The following SCAMP2 variants were observed in gnomAD, a reference collection of about 807,000 sequenced individuals.
SCAMP2 encodes the protein secretory carrier membrane protein 2, also known as secretory carrier-associated membrane protein 2.
In SCAMP2, 25 loss-of-function variants were observed where a neutral mutation model predicts 44.1. The ratio of observed to expected loss-of-function variants is 0.57; its 90% CI spans 0.41 to 0.79. The LOEUF (loss-of-function observed/expected upper bound fraction) is 0.79. Ranked by LOEUF, SCAMP2 falls within the 30% of genes least tolerant of loss-of-function variation. The probability of loss-of-function intolerance (pLI) is 0.00; values close to 1 mark genes in which losing one functional copy is unlikely to be tolerated. For missense variants in SCAMP2, 355 were observed against 411.0 expected (o/e 0.86, Z 1.18); for synonymous variants, 156 against 166.0 (o/e 0.94, Z 0.46).
rs150204440 is a variant in SCAMP2 at position 74,845,047 on chromosome 15, C to A, written c.*36G>T. On this transcript the variant is annotated 3_prime_UTR_variant, in exon 9 of 9. Coordinates refer to ENST00000268099, the MANE Select transcript of SCAMP2 (RefSeq NM_005697.5). ...CGGAAAGTGCAGCTCAGAAGGCAGG[C>A]GAGAGAAAGGCTGAGGGGGAGAGAA... 6.3e-7 allele frequency: 1 copy of A among 1,598,082 alleles called. No individual in the cohort carries two copies. The highest frequency in any genetic ancestry group is 8.6e-7 in the Non-Finnish European group (1 of 1,169,140).
chr15:74,867,088 C>A (rs372910772), intron 1 of SCAMP2, among the ~76,000 whole-genome samples: 3 of 152,232 alleles, frequency 2.0e-5, no homozygotes, highest in African/African-American at 7.2e-5. Flanking sequence ...AGCCACTGCG[C>A]CCCAGCCTCA....
At chr15:74,850,382 T>C (rs1955910843) in intron 6 of SCAMP2, 132 bp downstream of exon 6, 1 of 899,440 alleles carries the variant, frequency 1.1e-6, no homozygotes, top group African/African-American at 1.7e-5. Flanking sequence ...AGGAACAGAA[T>C]GTAGGGAAAG....
rs2064516542 is a variant in SCAMP2, at chr15:74,862,848, A to T, written c.58-8199T>A. ...AAAAAAAAAAAAAAAACAAAAAACA[A>T]ACCATACACACACACACACACACAC... On this transcript the variant is annotated intron_variant, in intron 1 of 8. Coordinates refer to ENST00000268099, the MANE Select transcript of SCAMP2 (RefSeq NM_005697.5). Among the ~76,000 whole-genome samples the T allele has an allele frequency of 3.2e-5, 3 of 93,888 alleles. No homozygotes were observed. In the Admixed American group the frequency reaches 3.6e-4, roughly 11 times the overall value. The allele number at this position is 93,888 out of a possible 152,430, so 61.6% of individuals were successfully genotyped here.
intron 1 of SCAMP2, among the ~76,000 whole-genome samples, chr15:74,864,991 G>A (rs558265158): frequency 1.4e-5 from 2 of 146,358 alleles, no homozygotes; most frequent in South Asian, 4.4e-4. Flanking sequence ...GGAGGCTAAG[G>A]CAGAAGAATT....
intron 8 of SCAMP2, 128 bp from the exon 9 acceptor site, chr15:74,845,345 G>C (rs2064392037): frequency 8.9e-6 from 14 of 1,581,344 alleles, no homozygotes; most frequent in Non-Finnish European, 1.2e-5. Flanking sequence ...CAGATCCCTG[G>C]AGAAAGGTAC....
intron 1 of SCAMP2, among the ~76,000 whole-genome samples, chr15:74,864,403 G>A (rs1325494505): frequency 6.6e-6 from 1 of 152,192 alleles, no homozygotes; most frequent in African/African-American, 2.4e-5. Context: ...GAAGAGAGAA[G>A]GTTATGGAGG....
intron 1 of SCAMP2, among the ~76,000 whole-genome samples, chr15:74,869,168 A>C (rs1368244199): frequency 6.6e-6 from 1 of 152,062 alleles, no homozygotes; most frequent in Non-Finnish European, 1.5e-5. Context: ...AACATAAACA[A>C]AGAAACAAAA....
chr15:74,864,702 G>C (rs1038593273), intron 1 of SCAMP2, among the ~76,000 whole-genome samples: 21 of 152,146 alleles, frequency 1.4e-4, no homozygotes, highest in Non-Finnish European at 2.1e-4. Context: ...AGGGACTTCA[G>C]AGACCTTCCT....
At chr15:74,853,310 G>A in intron 3 of SCAMP2, 1 of 433,462 alleles carries the variant, frequency 2.3e-6, no homozygotes, top group Admixed American at 2.4e-5. Context: ...CCTGGGAGGG[G>A]TGTGGGGCAG....
chr15:74,873,142 C>T (rs2064588704), intron 1 of SCAMP2, 57 bp downstream of exon 1: 2 of 1,353,174 alleles, frequency 1.5e-6, no homozygotes. Context: ...GAGGCCCGGG[C>T]GGCGGCCGTG....
chr15:74,857,496 C>A (rs2064475423), intron 1 of SCAMP2, among the ~76,000 whole-genome samples: 1 of 152,366 alleles, frequency 6.6e-6, no homozygotes, highest in Non-Finnish European at 1.5e-5. Flanking sequence ...CTACCATCCA[C>A]AGAAGTGGCT....
chr15:74,849,692 C>T (rs751207057), intron 6 of SCAMP2, among the ~76,000 whole-genome samples: 28 of 152,054 alleles, frequency 1.8e-4, no homozygotes, highest in African/African-American at 5.6e-4. Flanking sequence ...TGCAGTGAGC[C>T]GAGATCGCAT....
intron 1 of SCAMP2, among the ~76,000 whole-genome samples, chr15:74,866,670 C>T (rs1253631510): frequency 6.6e-6 from 1 of 152,184 alleles, no homozygotes; most frequent in East Asian, 1.9e-4. Flanking sequence ...AGGCTTTCTG[C>T]TTTCAGTCCA....
intron 8 of SCAMP2, 103 bp downstream of exon 8, chr15:74,845,370 C>T (rs776533978): frequency 1.8e-5 from 29 of 1,595,700 alleles, no homozygotes; most frequent in Non-Finnish European, 2.4e-5. Context: ...CCTTTGGGGG[C>T]CTAGGATGCC....
chr15:74,849,403 G>A (rs2064420012), intron 6 of SCAMP2, among the ~76,000 whole-genome samples: 1 of 146,476 alleles, frequency 6.8e-6, no homozygotes, highest in Non-Finnish European at 1.5e-5. Context: ...AGCCGAGACT[G>A]CGCCATTGCA....
At chr15:74,859,692 C>T (rs1277666456) in intron 1 of SCAMP2, among the ~76,000 whole-genome samples, 1 of 151,058 alleles carries the variant, frequency 6.6e-6, no homozygotes, top group African/African-American at 2.4e-5. Context: ...TCTCTGCTCA[C>T]TACAATCTCC....
chr15:74,864,674 A>G (rs1250949689), intron 1 of SCAMP2, among the ~76,000 whole-genome samples: 1 of 152,150 alleles, frequency 6.6e-6, no homozygotes, highest in Non-Finnish European at 1.5e-5. Flanking sequence ...GCAGCTGGGG[A>G]TGGAGAAGAG....
At chr15:74,853,718 C>G in intron 3 of SCAMP2, 1 of 475,254 alleles carries the variant, frequency 2.1e-6, no homozygotes, top group East Asian at 4.1e-5. Flanking sequence ...GCCAAAGGCC[C>G]GAGGAGGACC....
chr15:74,857,226 G>C (rs540638713), intron 1 of SCAMP2, among the ~76,000 whole-genome samples: 2 of 152,132 alleles, frequency 1.3e-5, no homozygotes, highest in South Asian at 4.1e-4. Flanking sequence ...CCTCCTCTGC[G>C]ACAGACTGTG....
Sources: gnomAD v4.1 joint callset for allele counts (sites outside exome capture counted in the v4.1 genomes callset) on GRCh38, gnomAD v4.1.1 for gene constraint, MANE v1.5 for transcripts, NCBI Gene and HGNC (gene_info 2026-07-23, HGNC 2026-07-21) for gene names.